The following ST8SIA1 variants were observed in gnomAD, a reference collection of about 807,000 sequenced individuals.
ST8SIA1 encodes the protein alpha-N-acetylneuraminide alpha-2,8-sialyltransferase.
In ST8SIA1, 16 loss-of-function variants were observed where a neutral mutation model predicts 35.9. The observed-to-expected ratio is 0.45, with a 90% CI of 0.30 to 0.68. The LOEUF is 0.68. Among genes scored for constraint, ST8SIA1 ranks in the 30% least tolerant of loss-of-function variants. The probability of loss-of-function intolerance (pLI) is 0.09; values close to 1 mark genes in which losing one functional copy is unlikely to be tolerated. For synonymous variants in ST8SIA1, 170 were observed against 169.6 expected (o/e 1.00, Z -0.02); for missense variants, 383 against 453.6 (o/e 0.84, Z 1.41).
At chr12:22,270,138 CT>C (rs1185961603) in intron 2 of ST8SIA1, among the ~76,000 whole-genome samples, 1 of 152,200 alleles carries the variant, frequency 6.6e-6, no homozygotes, top group Non-Finnish European at 1.5e-5. Flanking sequence ...TAGATGTTAG[CT>C]TCAACAGGCC....
At chr12:22,308,271 C>T (rs1866408452) in intron 1 of ST8SIA1, among the ~76,000 whole-genome samples, 1 of 152,076 alleles carries the variant, frequency 6.6e-6, no homozygotes, top group Non-Finnish European at 1.5e-5. Context: ...GTTATAGATG[C>T]TTGTTATAGA....
chr12:22,277,636 G>T (rs991456333), intron 2 of ST8SIA1, among the ~76,000 whole-genome samples: 1 of 151,994 alleles, frequency 6.6e-6, no homozygotes, highest in Non-Finnish European at 1.5e-5. Context: ...TAAAGTGCTG[G>T]GATTACAGGC....
chr12:22,298,234 G>A (rs904021019), intron 1 of ST8SIA1, among the ~76,000 whole-genome samples: 6 of 152,158 alleles, frequency 3.9e-5, no homozygotes, highest in Admixed American at 2.0e-4. Context: ...TCTGTGAACT[G>A]CTCTAGCAAA....
intron 4 of ST8SIA1, among the ~76,000 whole-genome samples, chr12:22,209,513 A>G (rs895448956): frequency 3.3e-5 from 5 of 152,214 alleles, no homozygotes; most frequent in Admixed American, 1.3e-4. Context: ...AATCTGTGAG[A>G]AACAGTACAC....
chr12:22,254,060 G>A (rs1024537471), intron 3 of ST8SIA1, among the ~76,000 whole-genome samples: 14 of 151,960 alleles, frequency 9.2e-5, no homozygotes, highest in African/African-American at 3.4e-4. Context: ...ACAAAATCTC[G>A]CTCAGCTTTC....
chr12:22,304,334 C>CTTTT (rs3063802), intron 1 of ST8SIA1, among the ~76,000 whole-genome samples: 59 of 106,078 alleles, frequency 5.6e-4, no homozygotes, highest in Middle Eastern at 5.5e-3. Flanking sequence ...TTTTCTTTTT[C>CTTTT]TTTTTTTTTT....
At chr12:22,267,238 G>T (rs1477342772) in intron 2 of ST8SIA1, among the ~76,000 whole-genome samples, 1 of 152,168 alleles carries the variant, frequency 6.6e-6, no homozygotes, top group Non-Finnish European at 1.5e-5. Context: ...AGTAAGTAAT[G>T]CAGCAGACTG....
Position 22,279,904 on chromosome 12 carries a change from A to T in ST8SIA1, c.381+7245T>A, listed in dbSNP as rs375625865. On this transcript the variant is annotated intron_variant, in intron 2 of 4. Transcript: ENST00000396037. ...AGAGCTAGTCAGGCCATAAGTGATT[A>T]AAAAATGTTGTGCTAGCTCACCTGT... is the stretch of plus-strand genomic sequence containing the variant. 5.9e-5 allele frequency among the ~76,000 whole-genome samples: 9 copies of T among 152,336 alleles called. No individual in the cohort carries two copies. The East Asian group carries it at 1.2e-3, about 20-fold the overall frequency.
At chr12:22,328,731 C>A (rs1035684729) in intron 1 of ST8SIA1, among the ~76,000 whole-genome samples, 3 of 152,148 alleles carry the variant, frequency 2.0e-5, no homozygotes, top group Non-Finnish European at 2.9e-5. Flanking sequence ...GTAAGGGAAG[C>A]CACCTTGAGG....
At chr12:22,259,579 C>G (rs1265139825) in intron 2 of ST8SIA1, among the ~76,000 whole-genome samples, 1 of 152,080 alleles carries the variant, frequency 6.6e-6, no homozygotes, top group Non-Finnish European at 1.5e-5. Flanking sequence ...CATTCTCCTG[C>G]CTCGGCCTCC....
intron 1 of ST8SIA1, among the ~76,000 whole-genome samples, chr12:22,314,060 G>A (rs949502049): frequency 1.3e-5 from 2 of 152,104 alleles, no homozygotes; most frequent in Non-Finnish European, 2.9e-5. Flanking sequence ...GGATAAAGGA[G>A]GCAATTAAGG....
intron 1 of ST8SIA1, among the ~76,000 whole-genome samples, chr12:22,302,555 T>G (rs989932945): frequency 6.6e-6 from 1 of 152,120 alleles, no homozygotes; most frequent in Non-Finnish European, 1.5e-5. Context: ...GACCTACCTA[T>G]ATAGGAATAA....
chr12:22,232,720 T>C (rs1004291044), intron 4 of ST8SIA1, among the ~76,000 whole-genome samples: 3 of 152,032 alleles, frequency 2.0e-5, no homozygotes, highest in African/African-American at 7.2e-5. Flanking sequence ...ATGCCTGTAA[T>C]CCCAGCTACT....
At chr12:22,240,201 C>T (rs1168264735) in intron 4 of ST8SIA1, among the ~76,000 whole-genome samples, 1 of 151,952 alleles carries the variant, frequency 6.6e-6, no homozygotes, top group Non-Finnish European at 1.5e-5. Flanking sequence ...AATATTTATA[C>T]TCAATTGACA....
At chr12:22,325,193 G>A (rs950307629) in intron 1 of ST8SIA1, 8 of 414,178 alleles carry the variant, frequency 1.9e-5, no homozygotes, top group Admixed American at 4.2e-5. Flanking sequence ...AATGAACATG[G>A]GGGACATAAA....
At chr12:22,294,193 T>G (rs1277927274) in intron 1 of ST8SIA1, among the ~76,000 whole-genome samples, 1 of 152,060 alleles carries the variant, frequency 6.6e-6, no homozygotes, top group East Asian at 1.9e-4. Flanking sequence ...CTAGAAAGAT[T>G]CTAATATTGT....
chr12:22,222,587 T>G (rs751553835), intron 4 of ST8SIA1, among the ~76,000 whole-genome samples: 1 of 151,982 alleles, frequency 6.6e-6, no homozygotes, highest in Admixed American at 6.6e-5. Context: ...GTAAGTAATC[T>G]TATTGACAGT....
At chr12:22,330,454 C>T (rs1010394233) in intron 1 of ST8SIA1, among the ~76,000 whole-genome samples, 1 of 152,198 alleles carries the variant, frequency 6.6e-6, no homozygotes, top group African/African-American at 2.4e-5. Flanking sequence ...AATGATTGCA[C>T]AACTAGAAAG....
chr12:22,220,487 T>C (rs1341789814), intron 4 of ST8SIA1, among the ~76,000 whole-genome samples: 1 of 152,190 alleles, frequency 6.6e-6, no homozygotes, highest in Non-Finnish European at 1.5e-5. Flanking sequence ...TTGTCTTTCA[T>C]ATACACACCC....
Sources: allele counts gnomAD v4.1 joint callset (sites outside exome capture counted in the v4.1 genomes callset), GRCh38; gene constraint gnomAD v4.1.1; transcripts MANE v1.5; gene names NCBI Gene and HGNC (gene_info 2026-07-23, HGNC 2026-07-21).